The following STARD13 variants were observed in gnomAD, a reference collection of about 807,000 sequenced individuals.
The protein encoded by STARD13 is StAR related lipid transfer domain containing 13.
A neutral mutation model predicts 106.4 loss-of-function variants in STARD13; 62 were observed. The ratio of observed to expected loss-of-function variants is 0.58; its 90% CI spans 0.48 to 0.72. STARD13 has a LOEUF of 0.72. Among genes scored for constraint, STARD13 ranks in the 30% least tolerant of loss-of-function variants. The pLI, the probability that STARD13 is intolerant of heterozygous loss-of-function variation, is 0.00. For missense variants in STARD13, 1,387 were observed against 1,424.0 expected (o/e 0.97, Z 0.42); for synonymous variants, 565 against 553.0 (o/e 1.02, Z -0.31).
At chr13:33,372,585 A>G in the STARD13 span, among the ~76,000 whole-genome samples, 1 of 151,978 alleles carries the variant, frequency 6.6e-6, no homozygotes, top group Non-Finnish European at 1.5e-5. Context: ...AAGAGGTTTT[A>G]TGTAATCCTT....
At chr13:33,609,105 A>AAAAAAAAAAAAAAAAAAAAAAAAAAAAAG in the STARD13 span, among the ~76,000 whole-genome samples, 2 of 133,196 alleles carry the variant, frequency 1.5e-5, no homozygotes, top group African/African-American at 6.7e-5. Flanking sequence ...AAAAAAAAAA[A>AAAAAAAAAAAAAAAAAAAAAAAAAAAAAG]AAATATTGAT....
chr13:33,645,857 T>C, the STARD13 span, among the ~76,000 whole-genome samples: 3 of 152,228 alleles, frequency 2.0e-5, no homozygotes, highest in Non-Finnish European at 2.9e-5. Flanking sequence ...AAGGTGGATC[T>C]TATTTGCAAG....
At chr13:33,283,451 AT>A (rs1312891175) in intron 1 of STARD13, among the ~76,000 whole-genome samples, 1 of 152,200 alleles carries the variant, frequency 6.6e-6, no homozygotes, top group Non-Finnish European at 1.5e-5. Flanking sequence ...ATTAACTACA[AT>A]GATTTTGGTA....
chr13:33,667,302 G>T, the STARD13 span, among the ~76,000 whole-genome samples: 6 of 152,186 alleles, frequency 3.9e-5, no homozygotes, highest in Admixed American at 3.3e-4. Context: ...TAGGGATGCT[G>T]CTGTACCTGT....
chr13:33,586,411 ACT>A, the STARD13 span, among the ~76,000 whole-genome samples: 4 of 151,928 alleles, frequency 2.6e-5, no homozygotes, highest in Non-Finnish European at 5.9e-5. Context: ...CCCAGGCATG[ACT>A]CTACATAACT....
the STARD13 span, among the ~76,000 whole-genome samples, chr13:33,448,893 G>T: frequency 6.6e-6 from 1 of 152,030 alleles, no homozygotes; most frequent in East Asian, 1.9e-4. Context: ...TATGTCTTAA[G>T]AAATGTAAAG....
chr13:33,382,672 A>G, the STARD13 span, among the ~76,000 whole-genome samples: 1 of 152,232 alleles, frequency 6.6e-6, no homozygotes, highest in South Asian at 2.1e-4. Flanking sequence ...TATATTGGCT[A>G]TAGCCTAGGC....
chr13:33,193,350 T>C (rs187429739), intron 1 of STARD13, among the ~76,000 whole-genome samples: 16 of 152,324 alleles, frequency 1.1e-4, no homozygotes, highest in Admixed American at 9.8e-4. Flanking sequence ...CAGAAGGTTC[T>C]AGGTGGGAAC....
intron 1 of STARD13, among the ~76,000 whole-genome samples, chr13:33,187,175 A>AC (rs1354808209): frequency 3.9e-5 from 6 of 152,120 alleles, no homozygotes; most frequent in Non-Finnish European, 7.3e-5. Flanking sequence ...AAGAGCATTG[A>AC]CCTGGGGGAT....
chr13:33,165,752 G>A (rs1270611656), intron 2 of STARD13, among the ~76,000 whole-genome samples: 4 of 152,174 alleles, frequency 2.6e-5, no homozygotes, highest in Admixed American at 1.3e-4. Context: ...CACCTAACAC[G>A]TAGGTCACTG....
At chr13:33,514,902 C>T in the STARD13 span, among the ~76,000 whole-genome samples, 1 of 152,034 alleles carries the variant, frequency 6.6e-6, no homozygotes, top group African/African-American at 2.4e-5. Flanking sequence ...GAGCCCAAGG[C>T]TTCTAGAACT....
the STARD13 span, among the ~76,000 whole-genome samples, chr13:33,366,413 T>C: frequency 1.3e-5 from 2 of 152,256 alleles, no homozygotes; most frequent in Non-Finnish European, 2.9e-5. This position sits in a 1 kb window ranked among gnomAD's most constrained non-coding sequence, Gnocchi z 4.2. Flanking sequence ...TCCAAAACTT[T>C]CACTTTATTA....
intron 1 of STARD13, among the ~76,000 whole-genome samples, chr13:33,208,486 G>A (rs139070209): frequency 4.6e-5 from 7 of 152,148 alleles, no homozygotes; most frequent in Admixed American, 2.0e-4. Context: ...AAGGTGGGGC[G>A]GAACCATATA....
chr13:33,661,924 T>C, the STARD13 span, among the ~76,000 whole-genome samples: 1 of 151,642 alleles, frequency 6.6e-6, no homozygotes, highest in East Asian at 1.9e-4. Flanking sequence ...AAAATTATGA[T>C]TATATTCTAA....
At chr13:33,559,143 CA>C in the STARD13 span, among the ~76,000 whole-genome samples, 7 of 151,688 alleles carry the variant, frequency 4.6e-5, no homozygotes, top group South Asian at 1.5e-3. Context: ...TGCCCTGTCT[CA>C]AAAAATTAGA....
At chr13:33,237,069 AC>A (rs1889228651) in intron 1 of STARD13, among the ~76,000 whole-genome samples, 1 of 152,184 alleles carries the variant, frequency 6.6e-6, no homozygotes. Flanking sequence ...AAAGATCTAC[AC>A]GTTAACTTTT....
chr13:33,414,027 C>T, the STARD13 span, among the ~76,000 whole-genome samples: 51 of 110,884 alleles, frequency 4.6e-4, no homozygotes, highest in Non-Finnish European at 6.2e-5. Context: ...AGTGAGATTC[C>T]CTCTCAAAAA....
the STARD13 span, among the ~76,000 whole-genome samples, chr13:33,567,166 C>G: frequency 1.3e-5 from 2 of 148,188 alleles, no homozygotes; most frequent in Non-Finnish European, 1.5e-5. Context: ...ACTCAAATAC[C>G]CTTTGCTCCA....
At chr13:33,166,807 C>G (rs765967165) in intron 2 of STARD13, among the ~76,000 whole-genome samples, 1 of 151,918 alleles carries the variant, frequency 6.6e-6, no homozygotes, top group Admixed American at 6.6e-5. Context: ...CCAGCCTGAC[C>G]CACGTGGTGA....
Sources: gnomAD v4.1 joint callset for allele counts (sites outside exome capture counted in the v4.1 genomes callset) on GRCh38, gnomAD v4.1.1 for gene constraint, Gnocchi (gnomAD v3.1) non-coding constraint, MANE v1.5 for transcripts, NCBI Gene and HGNC (gene_info 2026-07-23, HGNC 2026-07-21) for gene names.